The following DZANK1 variants were observed in gnomAD, a reference collection of about 807,000 sequenced individuals.
DZANK1 encodes the protein double zinc ribbon and ankyrin repeat domains 1.
Under a neutral mutation model 94.5 loss-of-function variants are expected in DZANK1, and 91 were observed. The observed-to-expected ratio is 0.96, with a 90% CI of 0.81 to 1.15. DZANK1 has a LOEUF of 1.15. Among genes scored for constraint, DZANK1 ranks in the 50% most tolerant of loss-of-function variants. The pLI, the probability that DZANK1 is intolerant of heterozygous loss-of-function variation, is 0.00. For missense variants in DZANK1, 903 were observed against 916.4 expected, an observed-to-expected ratio of 0.99 and a Z score of 0.19; for synonymous variants, 312 against 325.3, an observed-to-expected ratio of 0.96 and a Z score of 0.44.
rs147975140 is a variant in DZANK1 at position 18,462,718 on chromosome 20, G to A, written c.110-2412C>T. ...TCTCAAAGAAATAAGAGTTGAGGCCGGGCGCGGTGGTTCACATCTGTAATC... is the reference window on the plus strand; with the variant it reads ...TCTCAAAGAAATAAGAGTTGAGGCCAGGCGCGGTGGTTCACATCTGTAATC... On this transcript the variant is annotated intron_variant, in intron 2 of 20. Transcript: ENST00000262547. Among the ~76,000 whole-genome samples, 854 of 152,144 alleles carry A rather than the reference G, an allele frequency of 5.6e-3. 13 individuals carry two copies. The highest frequency in any genetic ancestry group is 0.019 in the African/African-American group (809 of 41,520).
chr20:18,408,251 G>T (rs932730340), intron 13 of DZANK1, among the ~76,000 whole-genome samples: 2 of 152,206 alleles, frequency 1.3e-5, no homozygotes, highest in East Asian at 1.9e-4. Flanking sequence ...AGGAGGTGGA[G>T]GTTGCAGTGA....
chr20:18,449,418 A>G (rs1011753494), intron 6 of DZANK1, among the ~76,000 whole-genome samples: 4 of 152,198 alleles, frequency 2.6e-5, no homozygotes, highest in African/African-American at 9.6e-5. Context: ...TTACTCTAGT[A>G]TCTAACATTT....
chr20:18,436,369 G>A (rs937576828), intron 8 of DZANK1, among the ~76,000 whole-genome samples: 2 of 151,344 alleles, frequency 1.3e-5, no homozygotes, highest in Non-Finnish European at 2.9e-5. Flanking sequence ...GCGTGAACCC[G>A]GGAGGCGGAG....
At chr20:18,452,648 T>A (rs763036962) in exon 6 of DZANK1, 1 of 1,602,568 alleles carries the variant, frequency 6.2e-7, no homozygotes, top group Non-Finnish European at 8.5e-7. Context: ...TAGAACCTGA[T>A]CCTCCACCAT....
At chr20:18,433,138 T>C (rs2058351565) in intron 9 of DZANK1, 1 of 152,710 alleles carries the variant, frequency 6.5e-6, no homozygotes, top group Admixed American at 6.5e-5. Flanking sequence ...GGGAATACAA[T>C]CCTACATATC....
chr20:18,447,753 C>T (rs953866581), intron 7 of DZANK1, among the ~76,000 whole-genome samples: 1 of 152,056 alleles, frequency 6.6e-6, no homozygotes, highest in Non-Finnish European at 1.5e-5. Context: ...CAAATAAAAA[C>T]CACAATGAGA....
chr20:18,406,057 G>A (rs886065936), intron 13 of DZANK1, among the ~76,000 whole-genome samples: 12 of 152,188 alleles, frequency 7.9e-5, no homozygotes, highest in Admixed American at 7.9e-4. Flanking sequence ...GAATTTCTCA[G>A]CAAGCCTCGC....
At chr20:18,445,711 G>T (rs974272821) in intron 7 of DZANK1, among the ~76,000 whole-genome samples, 1 of 151,862 alleles carries the variant, frequency 6.6e-6, no homozygotes, top group African/African-American at 2.4e-5. Context: ...GACCAGCCTG[G>T]GCAACTTTGT....
At chr20:18,396,016 A>G (rs1206848521) in intron 15 of DZANK1, among the ~76,000 whole-genome samples, 2 of 152,208 alleles carry the variant, frequency 1.3e-5, no homozygotes, top group Non-Finnish European at 1.5e-5. Flanking sequence ...CTTTTTGTCC[A>G]GTGAAACTAA....
chr20:18,460,853 A>T (rs2059450172), intron 2 of DZANK1, among the ~76,000 whole-genome samples: 1 of 152,262 alleles, frequency 6.6e-6, no homozygotes, highest in East Asian at 1.9e-4. Context: ...TCTCTGTACC[A>T]GCATTGTGCT....
chr20:18,388,697 A>T (rs565474084), intron 19 of DZANK1, among the ~76,000 whole-genome samples: 1 of 152,250 alleles, frequency 6.6e-6, no homozygotes, highest in African/African-American at 2.4e-5. Context: ...AATTCCAAGC[A>T]TCGAAGCTTT....
At chr20:18,430,158 A>G (rs1430105828) in intron 9 of DZANK1, among the ~76,000 whole-genome samples, 1 of 152,218 alleles carries the variant, frequency 6.6e-6, no homozygotes, top group East Asian at 1.9e-4. Flanking sequence ...ATTAAAAAGG[A>G]AGAATATTGA....
rs1422435512 is a variant in DZANK1 at position 18,394,238 on chromosome 20, G to C, written c.1708+16C>G. On this transcript the variant is annotated intron_variant, in intron 16 of 20. Coordinates refer to ENST00000262547, the Ensembl canonical transcript of DZANK1. ...CTGGTCAGTTGTTTTAAAATTGCCA[G>C]AAGGGAATAACTCACCCCAGCTGGA... 6.2e-7 allele frequency: 1 copy of C among 1,609,434 alleles called. No homozygotes were observed.
intron 1 of DZANK1, among the ~76,000 whole-genome samples, chr20:18,466,349 A>C (rs2148847060): frequency 6.6e-6 from 1 of 152,280 alleles, no homozygotes; most frequent in Non-Finnish European, 1.5e-5. Flanking sequence ...TGCCTGTTGC[A>C]GTTCTAATAA....
At chr20:18,426,171 C>A (rs376754427) in intron 10 of DZANK1, among the ~76,000 whole-genome samples, 3 of 152,134 alleles carry the variant, frequency 2.0e-5, no homozygotes, top group African/African-American at 4.8e-5. Flanking sequence ...CGGCAGCATT[C>A]GATTCTCATA....
At chr20:18,414,963 G>T (rs1400182176) in intron 11 of DZANK1, among the ~76,000 whole-genome samples, 1 of 152,214 alleles carries the variant, frequency 6.6e-6, no homozygotes, top group Non-Finnish European at 1.5e-5. Context: ...GGGACTTAGA[G>T]AGAGAGGAGA....
At chr20:18,451,940 A>C (rs374192977) in intron 6 of DZANK1, 5 of 518,768 alleles carry the variant, frequency 9.6e-6, no homozygotes, top group Non-Finnish European at 1.9e-5. Flanking sequence ...AAACTTTTAA[A>C]TGTAAATGGG....
Position 18,455,239 on chromosome 20 carries a change from T to C in DZANK1, c.378+8A>G, listed in dbSNP as rs2059243696. 1.9e-6 allele frequency: 3 copies of C among 1,584,704 alleles called. No homozygotes were observed. Among genetic ancestry groups the C allele is most frequent in the Admixed American group, 3.5e-5 (2 of 56,376 alleles). On this transcript the variant is annotated splice_region_variant and intron_variant, in intron 4 of 20. Coordinates refer to ENST00000262547, the Ensembl canonical transcript of DZANK1. Reference sequence around the variant, plus strand: ...ACAATCTGAATGGATTATAGTTTCATTACTTGCCTGCCTTGAAGAATCTTT... The same window carrying C: ...ACAATCTGAATGGATTATAGTTTCACTACTTGCCTGCCTTGAAGAATCTTT...
chr20:18,419,368 G>A (rs2057657913), intron 10 of DZANK1, among the ~76,000 whole-genome samples: 1 of 152,056 alleles, frequency 6.6e-6, no homozygotes, highest in South Asian at 2.1e-4. Flanking sequence ...AAAATGAGTG[G>A]AGTAGAAAAA....
Sources: gnomAD v4.1 joint callset for allele counts (sites outside exome capture counted in the v4.1 genomes callset) on GRCh38, gnomAD v4.1.1 for gene constraint, MANE v1.5 for transcripts, NCBI Gene and HGNC (gene_info 2026-07-23, HGNC 2026-07-21) for gene names.